The following SPTAN1 variants were observed in gnomAD, a reference collection of about 807,000 sequenced individuals.
SPTAN1 encodes spectrin alpha, non-erythrocytic 1.
A neutral mutation model predicts 331.3 loss-of-function variants in SPTAN1; 61 were observed. The ratio of observed to expected loss-of-function variants is 0.18; its 90% CI spans 0.15 to 0.23. SPTAN1 has a LOEUF of 0.23. SPTAN1 is among the 10% of genes least tolerant of loss of function. The probability of loss-of-function intolerance (pLI) is 1.00; values close to 1 mark genes in which losing one functional copy is unlikely to be tolerated. For synonymous variants in SPTAN1, 1,153 were observed against 1,173.9 expected (o/e 0.98, Z 0.36); for missense variants, 2,043 against 3,147.9 (o/e 0.65, Z 8.40).
intron 44 of SPTAN1, 111 bp downstream of exon 44, chr9:128,619,114 A>G (rs1857538317): frequency 5.3e-6 from 8 of 1,504,564 alleles, no homozygotes; most frequent in Non-Finnish European, 7.3e-6. Flanking sequence ...GAGAGCACAC[A>G]GGGCCAGCAG....
chr9:128,576,669 T>C (rs1851339170), intron 5 of SPTAN1, among the ~76,000 whole-genome samples, 154 bp from the exon 6 acceptor site: 1 of 152,076 alleles, frequency 6.6e-6, no homozygotes, highest in Non-Finnish European at 1.5e-5. Flanking sequence ...CTCTTTGGAG[T>C]TGTAGTTCAC....
chr9:128,607,782 G>C, intron 32 of SPTAN1, 70 bp from the exon 33 acceptor site: 1 of 1,611,256 alleles, frequency 6.2e-7, no homozygotes, highest in Non-Finnish European at 8.5e-7. Flanking sequence ...ACCCTTTGTG[G>C]TGAGTCGGTG....
At position 128,568,904 on chromosome 9, in the gene SPTAN1, A is replaced by G. The variant is rs371781354; in HGVS notation, c.363+7A>G. ...TGCATCTGAAACCATACGGGTGAGT[A>G]TGAGTAGCTCGTGGAGTGGATGGCT... is the stretch of plus-strand genomic sequence containing the variant. On this transcript the variant is annotated splice_region_variant and intron_variant, in intron 3 of 56. Coordinates refer to ENST00000372739, the MANE Select transcript of SPTAN1 (RefSeq NM_001130438.3). The G allele has an allele frequency of 1.3e-5, 21 of 1,613,860 alleles. No homozygotes were observed. The highest frequency in any genetic ancestry group is 1.7e-5 in the Admixed American group (1 of 59,992).
intron 45 of SPTAN1, among the ~76,000 whole-genome samples, chr9:128,623,119 G>A (rs997375475): frequency 2.0e-5 from 3 of 152,090 alleles, no homozygotes; most frequent in South Asian, 2.1e-4. Context: ...GTAGTGGCAC[G>A]ATCTCGGCTC....
At position 128,584,267 on chromosome 9, in the gene SPTAN1, C is replaced by T. The variant is rs1206001474; in HGVS notation, c.2194-15C>T. On this transcript the variant is annotated splice_polypyrimidine_tract_variant and intron_variant, in intron 16 of 56. Coordinates refer to ENST00000372739, the MANE Select transcript of SPTAN1 (RefSeq NM_001130438.3). ...CACCCAAAGTAAAGTCTGCTCTGTC[C>T]TTTTGCATTCCCAGGACCGAATTGA... The T allele has an allele frequency of 6.8e-6, 11 of 1,614,130 alleles. No individual in the cohort carries two copies. Among genetic ancestry groups the T allele is most frequent in the Middle Eastern group, 1.6e-4 (1 of 6,062 alleles).
rs749672064 is a variant in SPTAN1 at position 128,588,887 on chromosome 9, C to T, written c.2950C>T (p.Arg984Ter). Residue 984 changes from arginine (R) to a stop codon, truncating the protein, a stop_gained, in exon 21 of 57, where the codon CGA (arginine) becomes TGA (stop). Transcript: ENST00000372739. LOFTEE classifies it high-confidence loss of function. ...ALYDYQEKSP[R>*]EVTMKKGDIL... Reference sequence around the variant, plus strand: ...CTACGACTATCAGGAGAAGAGTCCCCGAGAGGTCACCATGAAGAAGGGAGA... The same window carrying T: ...CTACGACTATCAGGAGAAGAGTCCCTGAGAGGTCACCATGAAGAAGGGAGA... The T allele has an allele frequency of 1.9e-6, 3 of 1,614,018 alleles. No homozygotes were observed. Among genetic ancestry groups the T allele is most frequent in the Non-Finnish European group, 2.5e-6 (3 of 1,179,996 alleles).
chr9:128,564,039 G>A (rs915062559), intron 1 of SPTAN1, among the ~76,000 whole-genome samples: 1 of 151,994 alleles, frequency 6.6e-6, no homozygotes, highest in Non-Finnish European at 1.5e-5. Context: ...TTGGAAGACC[G>A]GAGGTGGGAG....
intron 51 of SPTAN1, 180 bp downstream of exon 51, chr9:128,628,122 G>T: frequency 1.2e-6 from 1 of 837,822 alleles, no homozygotes; most frequent in South Asian, 1.3e-5. Flanking sequence ...ATAGCCCATG[G>T]TCCCTGGTCC....
chr9:128,605,523 T>G (rs2131578381), intron 31 of SPTAN1, 46 bp downstream of exon 31: 2 of 1,608,486 alleles, frequency 1.2e-6, no homozygotes, highest in Non-Finnish European at 1.7e-6. Flanking sequence ...AGAGCCTTCT[T>G]TGTAGGGGTC....
At chr9:128,624,618 C>T in intron 46 of SPTAN1, 131 bp downstream of exon 46, 1 of 1,184,960 alleles carries the variant, frequency 8.4e-7, no homozygotes, top group East Asian at 2.6e-5. Context: ...ACTACCAGGG[C>T]AGACCACTGA....
intron 1 of SPTAN1, among the ~76,000 whole-genome samples, chr9:128,560,317 A>G (rs1849157432): frequency 6.6e-6 from 1 of 151,338 alleles, no homozygotes; most frequent in African/African-American, 2.4e-5. Context: ...CTCCTGAGCT[A>G]AGGCAATCCA....
Position 128,582,808 on chromosome 9 carries a change from G to A in SPTAN1, c.1765G>A (p.Val589Ile), listed in dbSNP as rs746961427. The change falls in exon 14 of 57, where the codon GTC becomes ATC. Residue 589 changes from valine to isoleucine, a missense_variant. Transcript: ENST00000372739. ...FRDSDELKSW[V>I]NEKMKTATDE... ...TGATTCTGATGAGCTCAAGAGTTGG[G>A]TCAATGAGAAGATGAAAACTGCCAC... 1 of 1,613,674 alleles carries A rather than the reference G, an allele frequency of 6.2e-7. No individual in the cohort carries two copies. Among genetic ancestry groups the A allele is most frequent in the African/African-American group, 1.3e-5 (1 of 74,906 alleles).
intron 10 of SPTAN1, 109 bp from the exon 11 acceptor site, chr9:128,580,813 G>T: frequency 6.6e-7 from 1 of 1,514,760 alleles, no homozygotes. Context: ...TCGGAAAAAA[G>T]GCCTGAAGAT....
Position 128,565,322 on chromosome 9 carries a change from A to G in SPTAN1, c.-3-1416A>G, listed in dbSNP as rs182641854. On this transcript the variant is annotated intron_variant, in intron 1 of 56. Transcript: ENST00000372739. ...CTCAAACAAAAAACAAAAAAAAGCC[A>G]TAAAAGATTTGGGAGTGGCATGGCG... Among the ~76,000 whole-genome samples the G allele has an allele frequency of 5.4e-3, 817 of 152,334 alleles. 8 individuals are homozygous for G. Among genetic ancestry groups the G allele is most frequent in the African/African-American group, 0.018 (769 of 41,578 alleles).
At position 128,580,911 on chromosome 9, in the gene SPTAN1, A is replaced by G. The variant is rs771460214; in HGVS notation, c.1324-11A>G. ...CCTCATCTCCCTGACCATGTCTCCT[A>G]TGCCCCCAAGCTGACCGTCCTTTCC... On this transcript the variant is annotated splice_polypyrimidine_tract_variant and intron_variant, in intron 10 of 56. Transcript: ENST00000372739. 28 of 1,612,328 alleles carry G rather than the reference A, an allele frequency of 1.7e-5. No homozygotes were observed. Among genetic ancestry groups the G allele is most frequent in the South Asian group, 7.7e-5 (7 of 91,012 alleles).
intron 31 of SPTAN1, among the ~76,000 whole-genome samples, chr9:128,606,475 A>G (rs1855885287): frequency 1.8e-4 from 2 of 11,222 alleles, no homozygotes; most frequent in Non-Finnish European, 1.2e-3. Flanking sequence ...CCCTAGACAT[A>G]TATATATATA....
rs528729187 is a variant in SPTAN1, at chr9:128,572,304, C to T, written c.364-2371C>T. On this transcript the variant is annotated intron_variant, in intron 3 of 56. Coordinates refer to ENST00000372739, the MANE Select transcript of SPTAN1 (RefSeq NM_001130438.3). ...AGTCAGAACCAGGCTTGCTTGTCCA[C>T]CCCGTCAGCTTTCCACATGTTTATG... 4.6e-5 allele frequency among the ~76,000 whole-genome samples: 7 copies of T among 151,190 alleles called. 1 individual carries two copies. The East Asian group carries it at 1.4e-3, about 30-fold the overall frequency.
chr9:128,591,644 GC>G lies in SPTAN1; in HGVS notation c.3155+21del. 2 of 1,613,314 alleles carry G rather than the reference GC, an allele frequency of 1.2e-6. No homozygotes were observed. Among genetic ancestry groups the G allele is most frequent in the Non-Finnish European group, 1.7e-6 (2 of 1,179,780 alleles). ...ACAATCAGTAAGGATGACACTGGGG[GC>G]CGCAAGGGCTAGGCGTCCCATAGGC... On this transcript the variant is annotated intron_variant, in intron 22 of 56. Transcript: ENST00000372739.
chr9:128,581,194 G>A (rs758943661), intron 11 of SPTAN1, 135 bp downstream of exon 11: 15 of 1,242,228 alleles, frequency 1.2e-5, no homozygotes, highest in Non-Finnish European at 1.7e-5. Flanking sequence ...GGGGAATTGA[G>A]CAAGCTTCTC....
Sources: allele counts gnomAD v4.1 joint callset (sites outside exome capture counted in the v4.1 genomes callset), GRCh38; gene constraint gnomAD v4.1.1; transcripts MANE v1.5; gene names NCBI Gene and HGNC (gene_info 2026-07-23, HGNC 2026-07-21).